ABCC1: variants seen among roughly 807,000 people sequenced by gnomAD.
The protein encoded by ABCC1 is ATP binding cassette subfamily C member 1 (ABCC1 blood group).
Under a neutral mutation model 172.9 loss-of-function variants are expected in ABCC1, and 83 were observed. That is an observed-to-expected ratio of 0.48 (90% confidence interval 0.40 to 0.58). ABCC1 has a LOEUF of 0.58. Among genes scored for constraint, ABCC1 ranks in the 20% least tolerant of loss-of-function variants. ABCC1 has a pLI of 0.00. For missense variants in ABCC1, 1,817 were observed against 2,002.7 expected, an observed-to-expected ratio of 0.91 and a Z score of 1.77; for synonymous variants, 937 against 825.2, an observed-to-expected ratio of 1.14 and a Z score of -2.32.
rs769563082 is a variant in ABCC1, at chr16:16,125,919, A to G, written c.3819+8A>G. 1.6e-5 allele frequency: 26 copies of G among 1,610,504 alleles called. No individual in the cohort carries two copies. The Admixed American group carries it at 1.8e-4, about 11-fold the overall frequency. ...TCAGAGACTGAGAAGGAGGTAGGCA[A>G]GGGCCCCTGGCTGGACCTCTTGGTC... is the stretch of plus-strand genomic sequence containing the variant. On this transcript the variant is annotated splice_region_variant and intron_variant, in intron 26 of 30. Transcript: ENST00000399410.
At chr16:16,001,540 T>G (rs1219222895) in intron 1 of ABCC1, among the ~76,000 whole-genome samples, 1 of 152,116 alleles carries the variant, frequency 6.6e-6, no homozygotes. Flanking sequence ...CATGGGAAGT[T>G]GTTTCCCAGC....
intron 23 of ABCC1, among the ~76,000 whole-genome samples, chr16:16,120,368 A>G (rs1008249267): frequency 3.3e-5 from 5 of 152,202 alleles, no homozygotes; most frequent in African/African-American, 1.2e-4. Context: ...CAGTGTCCTC[A>G]CATGGCTGGT....
intron 23 of ABCC1, among the ~76,000 whole-genome samples, chr16:16,116,660 T>A (rs1275705572): frequency 1.3e-5 from 2 of 151,884 alleles, no homozygotes; most frequent in Non-Finnish European, 2.9e-5. Flanking sequence ...CCTCCCGGGT[T>A]CAAGTGATTC....
intron 27 of ABCC1, among the ~76,000 whole-genome samples, chr16:16,133,769 A>G (rs1485272924): frequency 1.3e-5 from 2 of 152,048 alleles, no homozygotes; most frequent in Non-Finnish European, 2.9e-5. Context: ...GCTCTGTGAC[A>G]CCCCTGTAGG....
At chr16:16,084,099 TTTTA>T (rs938688819) in intron 17 of ABCC1, among the ~76,000 whole-genome samples, 20 of 152,174 alleles carry the variant, frequency 1.3e-4, no homozygotes, top group African/African-American at 4.3e-4. Context: ...CTTTCTTTCT[TTTTA>T]TTTATTTATT....
chr16:16,049,033 C>T (rs773509707), intron 10 of ABCC1, among the ~76,000 whole-genome samples: 5 of 151,792 alleles, frequency 3.3e-5, no homozygotes, highest in Non-Finnish European at 5.9e-5. Flanking sequence ...TTTGGGGCTG[C>T]ATGTATCTCA....
intron 20 of ABCC1, among the ~76,000 whole-genome samples, chr16:16,105,038 C>T (rs1439359935): frequency 1.3e-5 from 2 of 152,168 alleles, no homozygotes; most frequent in African/African-American, 2.4e-5. Context: ...GCTGAGGGAG[C>T]CGGCTCCAGC....
At chr16:16,006,089 C>T (rs1208905157) in intron 1 of ABCC1, among the ~76,000 whole-genome samples, 1 of 151,894 alleles carries the variant, frequency 6.6e-6, no homozygotes, top group East Asian at 1.9e-4. Context: ...CCTAAAACAA[C>T]AGCAATAACA....
At chr16:16,070,401 A>G (rs1301615255) in intron 13 of ABCC1, among the ~76,000 whole-genome samples, 1 of 151,972 alleles carries the variant, frequency 6.6e-6, no homozygotes, top group Non-Finnish European at 1.5e-5. Flanking sequence ...GCAGTGGCTC[A>G]TGCCTGTAAT....
chr16:16,088,153 A>C (rs969793121), intron 18 of ABCC1, among the ~76,000 whole-genome samples: 1 of 144,356 alleles, frequency 6.9e-6, no homozygotes, highest in Non-Finnish European at 1.6e-5. Flanking sequence ...GTGTGTGTGC[A>C]TGTATATAAA....
chr16:16,102,806 T>G, intron 20 of ABCC1, 89 bp downstream of exon 20: 1 of 1,301,840 alleles, frequency 7.7e-7, no homozygotes, highest in Non-Finnish European at 1.1e-6. Flanking sequence ...CTCAGCCCCC[T>G]GAGGTCCTGG....
In ABCC1 at chr16:16,033,183, C is replaced by T. The variant is rs1000375208; in HGVS notation, c.677+13C>T. 2.7e-5 allele frequency: 44 copies of T among 1,612,796 alleles called. 1 individual carries two copies. Among genetic ancestry groups the T allele is most frequent in the Admixed American group, 1.2e-4 (7 of 59,990 alleles). On this transcript the variant is annotated intron_variant, in intron 6 of 30. Transcript: ENST00000399410. ...GGTGGATCACAGGGTAAGGCCAGGC[C>T]CCCCAGACCTCAGGGAGGTGGTGGG... is the stretch of plus-strand genomic sequence containing the variant.
chr16:16,089,731 G>A (rs1438895765), intron 18 of ABCC1, among the ~76,000 whole-genome samples: 1 of 151,734 alleles, frequency 6.6e-6, no homozygotes, highest in East Asian at 1.9e-4. Flanking sequence ...AAAAAAATCA[G>A]CCAGGTGTGG....
chr16:16,014,725 G>T, intron 4 of ABCC1, 97 bp downstream of exon 4: 1 of 1,449,336 alleles, frequency 6.9e-7, no homozygotes, highest in Non-Finnish European at 9.4e-7. Flanking sequence ...GTTGCCATGG[G>T]AACCAGGGGC....
intron 10 of ABCC1, among the ~76,000 whole-genome samples, chr16:16,049,274 C>CT (rs2049333977): frequency 6.6e-6 from 1 of 152,172 alleles, no homozygotes; most frequent in Non-Finnish European, 1.5e-5. Flanking sequence ...AGAGAGCACT[C>CT]TGATTAGCCT....
chr16:15,949,547 G>A (rs1022142849), upstream of ABCC1: 57 of 155,020 alleles, frequency 3.7e-4, no homozygotes, highest in Non-Finnish European at 5.9e-4. Context: ...GTGGGGCGGG[G>A]CCGCCGCATC....
chr16:16,125,725 C>T lies in ABCC1; in HGVS notation c.3718-85C>T, dbSNP rs887283775. The T allele has an allele frequency of 4.1e-6, 3 of 738,874 alleles. No individual in the cohort carries two copies. The African/African-American group carries it at 6.3e-5, about 16-fold the overall frequency. 45.8% of individuals were successfully genotyped at this position (738,874 alleles called of 1,614,324 possible). On this transcript the variant is annotated intron_variant, in intron 25 of 30. Transcript: ENST00000399410. ...ATACTTGTTGAAAATAATTTGTTTC[C>T]TATTATCTCAGTGGAAAAAAAGAAA... is the stretch of plus-strand genomic sequence containing the variant.
chr16:16,079,282 G>A (rs540328864), intron 15 of ABCC1, 70 bp from the exon 16 acceptor site: 2 of 1,582,958 alleles, frequency 1.3e-6, no homozygotes, highest in African/African-American at 1.3e-5. Flanking sequence ...ATTGAGGCTC[G>A]GTGGCCATGG....
At chr16:16,030,583 T>G (rs1170503805) in intron 5 of ABCC1, among the ~76,000 whole-genome samples, 6 of 152,002 alleles carry the variant, frequency 3.9e-5, no homozygotes, top group Non-Finnish European at 8.8e-5. Context: ...GTACTTATTC[T>G]CCTTGTCAAA....
Sources: allele counts gnomAD v4.1 joint callset (sites outside exome capture counted in the v4.1 genomes callset), GRCh38; gene constraint gnomAD v4.1.1; transcripts MANE v1.5; gene names NCBI Gene and HGNC (gene_info 2026-07-23, HGNC 2026-07-21).